Variants in CGNL1 observed in about 807,000 individuals in gnomAD.
CGNL1 encodes cingulin-like protein 1.
In CGNL1, 132 loss-of-function variants were observed where a neutral mutation model predicts 141.2. That is an observed-to-expected ratio of 0.93 (90% CI 0.81 to 1.08). The LOEUF (loss-of-function observed/expected upper bound fraction) is 1.08, where lower values mean the gene tolerates loss of function less well. Ranked by LOEUF, CGNL1 falls within the 50% of genes least tolerant of loss-of-function variation. CGNL1 has a pLI of 0.00. For missense variants in CGNL1, 1,870 were observed against 1,588.6 expected, an observed-to-expected ratio of 1.18 and a Z score of -3.01; for synonymous variants, 690 against 622.1, an observed-to-expected ratio of 1.11 and a Z score of -1.63.
chr15:57,407,383 A>G (rs1188880311), intron 1 of CGNL1: 9 of 152,316 alleles, frequency 5.9e-5, no homozygotes, highest in African/African-American at 2.2e-4. Context: ...GGGTTTTGCC[A>G]GGCACAGTGG....
chr15:57,380,928 G>T (rs2062417653), intron 1 of CGNL1, among the ~76,000 whole-genome samples: 1 of 152,178 alleles, frequency 6.6e-6, no homozygotes, highest in Admixed American at 6.5e-5. Context: ...GCAAGTGGTT[G>T]GGTTTGTATC....
chr15:57,539,351 C>A (rs1300933908), intron 14 of CGNL1, among the ~76,000 whole-genome samples: 1 of 152,140 alleles, frequency 6.6e-6, no homozygotes, highest in Non-Finnish European at 1.5e-5. Flanking sequence ...CACATTCTGA[C>A]CCCAAGACAG....
chr15:57,504,333 C>T (rs1027615996), intron 8 of CGNL1, among the ~76,000 whole-genome samples: 1 of 152,138 alleles, frequency 6.6e-6, no homozygotes, highest in Non-Finnish European at 1.5e-5. Flanking sequence ...GGTTGATGGG[C>T]GGCTGAGCCA....
rs754443397 is a variant in CGNL1, at chr15:57,516,785, C to T, written c.2409C>T (p.Val803=). Residue 803 remains valine (V), a synonymous_variant, in exon 9 of 19, where the codon GTC becomes GTT. Transcript: ENST00000281282. ...RESVEEATKN[V]EVLASRSNTS... ...TTGCTTTGTGTTTTTAACAGAATGTCGAGGTCTTGGCGAGCAGGAGCAACA... is the reference window on the plus strand; with the variant it reads ...TTGCTTTGTGTTTTTAACAGAATGTTGAGGTCTTGGCGAGCAGGAGCAACA... 1.9e-6 allele frequency: 3 copies of T among 1,613,960 alleles called. No homozygotes were observed. The highest frequency in any genetic ancestry group is 1.3e-5 in the African/African-American group (1 of 75,048).
intron 4 of CGNL1, among the ~76,000 whole-genome samples, chr15:57,449,603 C>G (rs1372966352): frequency 6.6e-6 from 1 of 152,168 alleles, no homozygotes; most frequent in Non-Finnish European, 1.5e-5. Flanking sequence ...AGTGTTCACT[C>G]TTGGTGTTGC....
At chr15:57,443,636 CAT>C (rs2063217495) in intron 4 of CGNL1, among the ~76,000 whole-genome samples, 1 of 152,220 alleles carries the variant, frequency 6.6e-6, no homozygotes. Context: ...CGTACACACA[CAT>C]ACGCAATTCC....
At chr15:57,388,507 G>T (rs1406042433) in intron 1 of CGNL1, among the ~76,000 whole-genome samples, 1 of 152,208 alleles carries the variant, frequency 6.6e-6, no homozygotes, top group Non-Finnish European at 1.5e-5. Context: ...ATGAATTCTT[G>T]TGTGTCCAGT....
At chr15:57,407,458 A>G (rs1314292604) in intron 1 of CGNL1, among the ~76,000 whole-genome samples, 1 of 152,170 alleles carries the variant, frequency 6.6e-6, no homozygotes, top group East Asian at 1.9e-4. Flanking sequence ...GGACTGCTTG[A>G]GACCAGGAGT....
At position 57,550,349 on chromosome 15, in the gene CGNL1, G is replaced by A. The variant is rs2033059003; in HGVS notation, c.*2859G>A. ...CCACGGTCCTTTCCAGGTATAACAT[G>A]CTATCGTTCTTTAATTTTATTATAT... On this transcript the variant is annotated 3_prime_UTR_variant, in exon 19 of 19. Transcript: ENST00000281282. 6.6e-6 allele frequency: 1 copy of A among 152,610 alleles called. No individual in the cohort carries two copies. The highest frequency in any genetic ancestry group is 1.5e-5 in the Non-Finnish European group (1 of 68,046). The allele number at this position is 152,610 out of a possible 1,614,324, so 9.5% of individuals were successfully genotyped here.
At chr15:57,470,521 A>G (rs2063568981) in intron 8 of CGNL1, among the ~76,000 whole-genome samples, 1 of 152,010 alleles carries the variant, frequency 6.6e-6, no homozygotes, top group Non-Finnish European at 1.5e-5. Flanking sequence ...TCCATGAGGG[A>G]TAAACAGAGC....
intron 16 of CGNL1, among the ~76,000 whole-genome samples, 183 bp from the exon 17 acceptor site, chr15:57,545,409 G>C (rs1450676287): frequency 5.3e-5 from 8 of 152,202 alleles, no homozygotes; most frequent in Non-Finnish European, 4.4e-5. Flanking sequence ...CCCCTTCTCA[G>C]AGCCCCATTT....
intron 1 of CGNL1, among the ~76,000 whole-genome samples, chr15:57,392,399 C>G (rs947458186): frequency 1.3e-5 from 2 of 152,028 alleles, no homozygotes; most frequent in Non-Finnish European, 2.9e-5. Context: ...TCTTTTGGTA[C>G]CTGGCACAGT....
chr15:57,425,060 T>C (rs926668175), intron 1 of CGNL1, among the ~76,000 whole-genome samples: 22 of 152,238 alleles, frequency 1.4e-4, no homozygotes, highest in Admixed American at 3.3e-4. Context: ...GTTGAGATTT[T>C]TTTTTCTTTA....
At chr15:57,384,510 T>C (rs1467798343) in intron 1 of CGNL1, among the ~76,000 whole-genome samples, 1 of 152,190 alleles carries the variant, frequency 6.6e-6, no homozygotes, top group African/African-American at 2.4e-5. Flanking sequence ...TACCACCTCA[T>C]TAGGCATAGA....
chr15:57,399,393 A>G (rs1317641964), intron 1 of CGNL1, among the ~76,000 whole-genome samples: 2 of 152,092 alleles, frequency 1.3e-5, no homozygotes, highest in Admixed American at 6.6e-5. Flanking sequence ...CCAAATTCTA[A>G]TTGTAGTCCA....
At chr15:57,390,109 C>T (rs2152229200) in intron 1 of CGNL1, among the ~76,000 whole-genome samples, 1 of 152,358 alleles carries the variant, frequency 6.6e-6, no homozygotes, top group Admixed American at 6.5e-5. Flanking sequence ...AGCCACCGCA[C>T]CTGGCCCCAG....
intron 1 of CGNL1, among the ~76,000 whole-genome samples, chr15:57,386,352 G>A (rs1369358179): frequency 3.3e-5 from 5 of 152,296 alleles, no homozygotes; most frequent in South Asian, 2.1e-4. Flanking sequence ...GACTCTGCAC[G>A]TGTGAAACTA....
chr15:57,381,122 A>G (rs1334580575), intron 1 of CGNL1, among the ~76,000 whole-genome samples: 2 of 152,128 alleles, frequency 1.3e-5, no homozygotes, highest in East Asian at 3.9e-4. Context: ...TTGTTTATTG[A>G]CTGCCTTTCA....
chr15:57,457,297 C>A (rs1003687374), intron 7 of CGNL1, among the ~76,000 whole-genome samples: 2 of 152,274 alleles, frequency 1.3e-5, no homozygotes, highest in South Asian at 4.2e-4. Context: ...TCTCGACATC[C>A]TGGTGCCTGT....
Sources: allele counts gnomAD v4.1 joint callset (sites outside exome capture counted in the v4.1 genomes callset), GRCh38; gene constraint gnomAD v4.1.1; transcripts MANE v1.5; gene names NCBI Gene and HGNC (gene_info 2026-07-23, HGNC 2026-07-21).